The following COG2 variants were observed in gnomAD, a reference collection of about 807,000 sequenced individuals.
COG2 encodes conserved oligomeric Golgi complex subunit 2.
Under a neutral mutation model 90.6 loss-of-function variants are expected in COG2, and 52 were observed. The ratio of observed to expected loss-of-function variants is 0.57; its 90% CI spans 0.46 to 0.72. COG2 has a LOEUF of 0.72. Ranked by LOEUF, COG2 falls within the 30% of genes least tolerant of loss-of-function variation. The pLI, the probability that COG2 is intolerant of heterozygous loss-of-function variation, is 0.00. For synonymous variants in COG2, 337 were observed against 320.4 expected, an observed-to-expected ratio of 1.05 and a Z score of -0.55; for missense variants, 829 against 891.2, an observed-to-expected ratio of 0.93 and a Z score of 0.89.
At chr1:230,686,795 T>C (rs1349085977) in intron 12 of COG2, 140 bp from the exon 13 acceptor site, 4 of 467,410 alleles carry the variant, frequency 8.6e-6, no homozygotes, top group Non-Finnish European at 1.5e-5. Context: ...TATTGTATAC[T>C]TTTATTAGTA....
intron 13 of COG2, 51 bp from the exon 14 acceptor site, chr1:230,688,019 TC>T: frequency 3.9e-6 from 5 of 1,285,456 alleles, no homozygotes; most frequent in Non-Finnish European, 5.4e-6. Context: ...AATTGCCTCT[TC>T]CTTTGATTTA....
rs568257503 is a variant in COG2, at chr1:230,693,232, T to C, written c.2116-60T>C. Reference sequence around the variant, plus strand: ...AGGATGAAGATTTTCTTTCTTTTTTTTCCCCCCCCATATTCAGCTTGAATT... The same window carrying C: ...AGGATGAAGATTTTCTTTCTTTTTTCTCCCCCCCCATATTCAGCTTGAATT... On this transcript the variant is annotated intron_variant, in intron 17 of 17. Coordinates refer to ENST00000366669, the MANE Select transcript of COG2 (RefSeq NM_007357.3). The C allele has an allele frequency of 1.3e-5, 13 of 987,078 alleles. No individual in the cohort carries two copies. In the African/African-American group the frequency reaches 1.8e-4, roughly 14 times the overall value. The allele number at this position is 987,078 out of a possible 1,614,324, so 61.1% of individuals were successfully genotyped here. A position where few individuals can be genotyped will look rare whatever the true frequency, so the allele number is the denominator to read the frequency against.
Position 230,642,560 on chromosome 1 carries a change from G to C in COG2, c.-47G>C. 1 of 1,582,366 alleles carries C rather than the reference G, an allele frequency of 6.3e-7. No individual in the cohort carries two copies. The highest frequency in any genetic ancestry group is 8.6e-7 in the Non-Finnish European group (1 of 1,160,858). ...GCCGAGTCGGTCTGCGCAGCCTCCTGCGTTTTCTCGCTTGGATCTTGGCAC... is the reference window on the plus strand; with the variant it reads ...GCCGAGTCGGTCTGCGCAGCCTCCTCCGTTTTCTCGCTTGGATCTTGGCAC... On this transcript the variant is annotated 5_prime_UTR_variant, in exon 1 of 18. Coordinates refer to ENST00000366669, the MANE Select transcript of COG2 (RefSeq NM_007357.3).
intron 16 of COG2, 57 bp downstream of exon 16, chr1:230,690,210 AC>A: frequency 6.6e-7 from 1 of 1,504,724 alleles, no homozygotes; most frequent in Non-Finnish European, 9.1e-7. Context: ...TGCGGCAGAA[AC>A]CCCCAAGGCA....
In COG2 at chr1:230,686,931, TCAGC is replaced by T. The variant is rs1427478535; in HGVS notation, c.1381-3_1381del. 2.7e-6 allele frequency: 4 copies of T among 1,507,020 alleles called. No homozygotes were observed. The Admixed American group carries it at 6.4e-5, about 24-fold the overall frequency. The allele number at this position is 1,507,020 out of a possible 1,614,324, so 93.4% of individuals were successfully genotyped here. On this transcript the variant is annotated splice_acceptor_variant and splice_polypyrimidine_tract_variant and coding_sequence_variant and intron_variant, in exon 13 of 18. Coordinates refer to ENST00000366669, the MANE Select transcript of COG2 (RefSeq NM_007357.3). LOFTEE classifies it high-confidence loss of function. ...AGTAGTTAATCAGTGAAATCCTTTT[TCAGC>T]TTTCACTCAGGCCCATTTCTAATGA... is the stretch of plus-strand genomic sequence containing the variant.
chr1:230,650,041 A>G (rs1294064103), intron 1 of COG2, among the ~76,000 whole-genome samples: 2 of 152,210 alleles, frequency 1.3e-5, no homozygotes, highest in Non-Finnish European at 2.9e-5. Flanking sequence ...TGTTGCTGCA[A>G]AAGACATGAT....
chr1:230,642,977 G>C, intron 1 of COG2: 1 of 368,686 alleles, frequency 2.7e-6, no homozygotes, highest in Non-Finnish European at 4.9e-6. Context: ...ATGCAGTGCA[G>C]TCAGATTGCC....
intron 1 of COG2, among the ~76,000 whole-genome samples, chr1:230,645,040 C>T (rs924347659): frequency 2.6e-5 from 4 of 152,038 alleles, no homozygotes; most frequent in African/African-American, 9.6e-5. Flanking sequence ...AAAATATACA[C>T]ACTGAGCAAC....
chr1:230,663,146 T>C lies in COG2; in HGVS notation c.306T>C (p.Leu102=). The part of the protein sequence containing the change: ...LGQLREEVLS[L]RSSVSEGIRA... ...TTTTTTTTTGTCTTTTAAAGAGCCTTAGATCGTCTGTCAGTGAAGGAATTC... is the reference window on the plus strand; with the variant it reads ...TTTTTTTTTGTCTTTTAAAGAGCCTCAGATCGTCTGTCAGTGAAGGAATTC... Residue 102 remains leucine (L), a synonymous_variant, in exon 4 of 18, where the codon CTT becomes CTC. Transcript: ENST00000366669. 1 of 1,608,960 alleles carries C rather than the reference T, an allele frequency of 6.2e-7. No individual in the cohort carries two copies. The highest frequency in any genetic ancestry group is 8.5e-7 in the Non-Finnish European group (1 of 1,177,632).
At chr1:230,674,874 G>T in intron 8 of COG2, 124 bp from the exon 9 acceptor site, 2 of 735,350 alleles carry the variant, frequency 2.7e-6, no homozygotes, top group Non-Finnish European at 4.1e-6. Flanking sequence ...TACAAATACG[G>T]TTTTTTTAAA....
chr1:230,689,642 C>A (rs1662971771), intron 15 of COG2, among the ~76,000 whole-genome samples: 1 of 152,322 alleles, frequency 6.6e-6, no homozygotes, highest in East Asian at 1.9e-4. Context: ...AGAACTCAAC[C>A]CTTCCACCCA....
chr1:230,677,139 C>T (rs1255505266), intron 9 of COG2, among the ~76,000 whole-genome samples: 1 of 152,112 alleles, frequency 6.6e-6, no homozygotes, highest in Non-Finnish European at 1.5e-5. Flanking sequence ...TAGACAGGCT[C>T]ACCCTATCCT....
chr1:230,674,201 G>A (rs912927557), intron 8 of COG2, among the ~76,000 whole-genome samples: 1 of 152,138 alleles, frequency 6.6e-6, no homozygotes, highest in African/African-American at 2.4e-5. Flanking sequence ...ACTATCCTAA[G>A]TACTTTACAA....
At chr1:230,645,669 T>C (rs61828569) in intron 1 of COG2, among the ~76,000 whole-genome samples, 37,960 of 152,120 alleles carry the variant, frequency 0.25, 5,497 homozygotes, top group Non-Finnish European at 0.33. Flanking sequence ...TATTACATTG[T>C]AATACATAAT....
At chr1:230,659,887 T>A (rs973718317) in intron 2 of COG2, among the ~76,000 whole-genome samples, 5 of 152,242 alleles carry the variant, frequency 3.3e-5, no homozygotes, top group African/African-American at 1.2e-4. Flanking sequence ...AGCAGACTGG[T>A]TGTTTTCATT....
intron 17 of COG2, 150 bp downstream of exon 17, chr1:230,691,714 A>C: frequency 2.9e-6 from 2 of 689,184 alleles, no homozygotes; most frequent in Non-Finnish European, 4.8e-6. Context: ...GGGGCTCCCA[A>C]ATTACTTTGC....
In COG2 at chr1:230,671,499, G is replaced by T. The variant is rs1427316552; in HGVS notation, c.775-17G>T. 1.9e-6 allele frequency: 3 copies of T among 1,591,454 alleles called. No individual in the cohort carries two copies. The highest frequency in any genetic ancestry group is 1.7e-6 in the Non-Finnish European group (2 of 1,171,132). On this transcript the variant is annotated splice_polypyrimidine_tract_variant and intron_variant, in intron 7 of 17. Coordinates refer to ENST00000366669, the MANE Select transcript of COG2 (RefSeq NM_007357.3). ...CCTTTTAAATGCTTTTTTAAAAAAT[G>T]ATTTTTCTTTTAATAGGTGATTATA...
At chr1:230,652,764 C>A (rs1436652709) in intron 1 of COG2, among the ~76,000 whole-genome samples, 2 of 152,260 alleles carry the variant, frequency 1.3e-5, no homozygotes, top group East Asian at 3.9e-4. Flanking sequence ...ATTTGCAGTT[C>A]CCTAATAATA....
At chr1:230,679,291 T>C (rs1662675534) in intron 10 of COG2, 1 of 353,024 alleles carries the variant, frequency 2.8e-6, no homozygotes, top group Non-Finnish European at 5.1e-6. Context: ...ACACAAGAGT[T>C]GGAAGGAGCT....
Sources: allele counts gnomAD v4.1 joint callset (sites outside exome capture counted in the v4.1 genomes callset), GRCh38; gene constraint gnomAD v4.1.1; transcripts MANE v1.5; gene names NCBI Gene and HGNC (gene_info 2026-07-23, HGNC 2026-07-21).